SNTG1: variants seen among roughly 807,000 people sequenced by gnomAD.
SNTG1 encodes syntrophin gamma 1.
Under a neutral mutation model 74.7 loss-of-function variants are expected in SNTG1, and 39 were observed. The ratio of observed to expected loss-of-function variants is 0.52; its 90% CI spans 0.40 to 0.68. SNTG1 has a LOEUF of 0.68. Among genes scored for constraint, SNTG1 ranks in the 30% least tolerant of loss-of-function variants. SNTG1 has a pLI of 0.00. For missense variants in SNTG1, 685 were observed against 609.5 expected (o/e 1.12, Z -1.30); for synonymous variants, 254 against 217.1 (o/e 1.17, Z -1.49).
intron 12 of SNTG1, among the ~76,000 whole-genome samples, chr8:50,561,831 A>G (rs2094490101): frequency 6.6e-6 from 1 of 152,180 alleles, no homozygotes; most frequent in Admixed American, 6.5e-5. Flanking sequence ...TTTCCCATTG[A>G]ACTATTCATT....
chr8:50,411,553 A>G (rs2092949488), intron 4 of SNTG1, among the ~76,000 whole-genome samples: 2 of 152,150 alleles, frequency 1.3e-5, no homozygotes, highest in African/African-American at 2.4e-5. Flanking sequence ...CAGATGGGCA[A>G]GTACTGTTTA....
intron 1 of SNTG1, among the ~76,000 whole-genome samples, chr8:50,028,726 A>C (rs1046048281): frequency 3.3e-5 from 5 of 151,982 alleles, no homozygotes; most frequent in Admixed American, 2.6e-4. Context: ...TGTACCCTAA[A>C]ACTTAAAGTA....
At chr8:50,586,683 C>G (rs2094650532) in intron 12 of SNTG1, among the ~76,000 whole-genome samples, 1 of 151,256 alleles carries the variant, frequency 6.6e-6, no homozygotes, top group African/African-American at 2.4e-5. Context: ...ACACACATTA[C>G]TGAGGACTGA....
At chr8:50,174,696 AAAG>A (rs2082931571) in intron 2 of SNTG1, among the ~76,000 whole-genome samples, 1 of 152,156 alleles carries the variant, frequency 6.6e-6, no homozygotes, top group African/African-American at 2.4e-5. Flanking sequence ...AAAGAGGAAA[AAAG>A]AAGCATTTTT....
chr8:50,427,528 A>G (rs200927681), intron 4 of SNTG1, among the ~76,000 whole-genome samples: 1 of 152,094 alleles, frequency 6.6e-6, no homozygotes, highest in Non-Finnish European at 1.5e-5. Context: ...TATTTGGTTC[A>G]AGCTGTCCTG....
At chr8:50,595,443 A>G (rs2130899116) in intron 13 of SNTG1, among the ~76,000 whole-genome samples, 1 of 152,226 alleles carries the variant, frequency 6.6e-6, no homozygotes, top group African/African-American at 2.4e-5. Context: ...AAAGGAGCCC[A>G]CACCTAATTA....
chr8:50,500,159 T>G (rs2093938823), intron 8 of SNTG1, among the ~76,000 whole-genome samples: 1 of 151,526 alleles, frequency 6.6e-6, no homozygotes, highest in African/African-American at 2.4e-5. Context: ...TCCCTCTTCT[T>G]TCTCCTCTCC....
At chr8:50,103,112 T>C (rs1379601757) in intron 1 of SNTG1, among the ~76,000 whole-genome samples, 1 of 152,164 alleles carries the variant, frequency 6.6e-6, no homozygotes, top group Non-Finnish European at 1.5e-5. Context: ...CATTGGTAGC[T>C]TGATGGGGAT....
intron 15 of SNTG1, among the ~76,000 whole-genome samples, chr8:50,694,292 A>G (rs1454341874): frequency 6.6e-6 from 1 of 152,102 alleles, no homozygotes; most frequent in African/African-American, 2.4e-5. Flanking sequence ...AAAGGATCAT[A>G]AACAAATTTA....
intron 12 of SNTG1, among the ~76,000 whole-genome samples, chr8:50,568,250 T>TGTGTGTGTGC (rs1563587324): frequency 3.3e-5 from 5 of 152,048 alleles, no homozygotes; most frequent in African/African-American, 1.2e-4. Context: ...TGTGTGTGTG[T>TGTGTGTGTGC]GTGCTATCTA....
chr8:50,414,254 C>A (rs1422005136), intron 4 of SNTG1, among the ~76,000 whole-genome samples: 1 of 152,138 alleles, frequency 6.6e-6, no homozygotes, highest in Non-Finnish European at 1.5e-5. Flanking sequence ...ATTCTTTAAA[C>A]TAAATTCTCA....
chr8:50,677,409 T>C lies in SNTG1; in HGVS notation c.1038+18746T>C, dbSNP rs1156836568. ...TTATATGGACACCCATAACATAACATATCCTTAATGTAAGAAAAAAGCTAG... is the reference window on the plus strand; with the variant it reads ...TTATATGGACACCCATAACATAACACATCCTTAATGTAAGAAAAAAGCTAG... On this transcript the variant is annotated intron_variant, in intron 15 of 18. Coordinates refer to ENST00000642720, the MANE Select transcript of SNTG1 (RefSeq NM_018967.5). Among the ~76,000 whole-genome samples, 5 of 152,102 alleles carry C rather than the reference T, an allele frequency of 3.3e-5. No individual in the cohort carries two copies. In the East Asian group the frequency reaches 9.7e-4, roughly 29 times the overall value.
At chr8:50,707,432 G>A (rs2095446932) in intron 16 of SNTG1, among the ~76,000 whole-genome samples, 1 of 151,946 alleles carries the variant, frequency 6.6e-6, no homozygotes, top group Admixed American at 6.6e-5. Context: ...GACTTTTGAG[G>A]CCCATTAAGT....
chr8:50,421,703 G>A (rs2093089825), intron 4 of SNTG1, among the ~76,000 whole-genome samples: 1 of 152,060 alleles, frequency 6.6e-6, no homozygotes, highest in South Asian at 2.1e-4. Context: ...TCAGTGTGAG[G>A]ACCATAGGCT....
At chr8:50,338,560 A>C (rs1466674024) in intron 2 of SNTG1, among the ~76,000 whole-genome samples, 2 of 152,244 alleles carry the variant, frequency 1.3e-5, no homozygotes, top group African/African-American at 4.8e-5. Flanking sequence ...TAGGTGATGT[A>C]AGCAGACAGC....
chr8:50,418,773 A>G (rs1455230111), intron 4 of SNTG1, among the ~76,000 whole-genome samples: 1 of 152,128 alleles, frequency 6.6e-6, no homozygotes, highest in East Asian at 1.9e-4. Context: ...AACGTTTCCT[A>G]TCCCAATAGA....
At chr8:50,792,427 A>G (rs2131875157) in intron 18 of SNTG1, among the ~76,000 whole-genome samples, 1 of 152,066 alleles carries the variant, frequency 6.6e-6, no homozygotes, top group Non-Finnish European at 1.5e-5. Context: ...TGCTAAAAGA[A>G]CATTCATAGA....
At chr8:49,991,174 T>A (rs1333959145) in intron 1 of SNTG1, among the ~76,000 whole-genome samples, 1 of 152,042 alleles carries the variant, frequency 6.6e-6, no homozygotes, top group African/African-American at 2.4e-5. Flanking sequence ...AAATCAACAA[T>A]AAACACATGA....
intron 1 of SNTG1, among the ~76,000 whole-genome samples, chr8:49,991,155 G>C (rs552044580): frequency 6.6e-6 from 1 of 152,216 alleles, no homozygotes; most frequent in African/African-American, 2.4e-5. Context: ...TCCTCCACAG[G>C]AGGTATGCAA....
Sources: gnomAD v4.1 joint callset for allele counts (sites outside exome capture counted in the v4.1 genomes callset) on GRCh38, gnomAD v4.1.1 for gene constraint, MANE v1.5 for transcripts, NCBI Gene and HGNC (gene_info 2026-07-23, HGNC 2026-07-21) for gene names.